VWF: variants seen among roughly 807,000 people sequenced by gnomAD.
The protein encoded by VWF is von Willebrand factor.
A neutral mutation model predicts 308.6 loss-of-function variants in VWF; 176 were observed. The observed-to-expected ratio is 0.57, with a 90% CI of 0.50 to 0.65. The LOEUF is 0.65. VWF is among the 30% of genes least tolerant of loss of function. The pLI is 0.00. For missense variants in VWF, 3,146 were observed against 3,648.2 expected (o/e 0.86, Z 3.55); for synonymous variants, 1,385 against 1,443.4 (o/e 0.96, Z 0.92).
In VWF at chr12:6,016,187, T is replaced by C. The variant is rs1031442442; in HGVS notation, c.5357A>G (p.His1786Arg). Residue 1786 changes from histidine (H) to arginine (R), a missense_variant, in exon 31 of 52, where the codon CAT becomes CGT. Physicochemically the swap from His to Arg is conservative, Grantham distance 29 (BLOSUM62 0). Transcript: ENST00000261405. The part of the protein sequence containing the change: ...FAVRYLTSEM[H>R]GARPGASKAV... ...CTTTGAGGCTCCCGGCCTGGCACCA[T>C]GCATTTCTGAAGTCAAGTATCGCAC... 4 of 1,614,148 alleles carry C rather than the reference T, an allele frequency of 2.5e-6. No individual in the cohort carries two copies. The highest frequency in any genetic ancestry group is 3.4e-6 in the Non-Finnish European group (4 of 1,180,030).
chr12:6,028,216 G>A (rs1208095063), intron 22 of VWF, among the ~76,000 whole-genome samples: 2 of 152,106 alleles, frequency 1.3e-5, no homozygotes, highest in Non-Finnish European at 2.9e-5. Context: ...TAGTGGAACC[G>A]TTCTCAAAAG....
Position 6,031,473 on chromosome 12 carries a change from C to T in VWF, c.2791G>A (p.Gly931Arg), listed in dbSNP as rs777440637. The T allele has an allele frequency of 3.1e-6, 5 of 1,614,166 alleles. No individual in the cohort carries two copies. The highest frequency in any genetic ancestry group is 2.2e-5 in the East Asian group (1 of 44,880). ...CKKRVTILVE[G>R]GEIELFDGEV... ...CCGTCAAACAGCTCAATCTCTCCTC[C>T]CTCCACCAGGATGGTGACCCGTTTC... is the stretch of plus-strand genomic sequence containing the variant. Residue 931 changes from glycine to arginine, a missense_variant, in exon 21 of 52, where the codon GGA (glycine) becomes AGA (arginine). Gly to Arg is a moderately radical substitution (Grantham distance 125). Around this residue, in one of 3 missense-constraint regions of VWF, gnomAD observed 1,304 missense variants for 1,353.0 expected, o/e 0.96. Coordinates refer to ENST00000261405, the MANE Select transcript of VWF (RefSeq NM_000552.5).
chr12:5,997,659 A>AG (rs1223054290), intron 34 of VWF, among the ~76,000 whole-genome samples: 3 of 152,228 alleles, frequency 2.0e-5, no homozygotes, highest in African/African-American at 7.2e-5. Flanking sequence ...GTGCATGTTT[A>AG]ACAAACAGAT....
intron 18 of VWF, among the ~76,000 whole-genome samples, chr12:6,037,218 G>A (rs1218748282): frequency 6.6e-6 from 1 of 152,110 alleles, no homozygotes; most frequent in Non-Finnish European, 1.5e-5. Flanking sequence ...TTCTTTTTCA[G>A]TTTTAAAATT....
intron 43 of VWF, among the ~76,000 whole-genome samples, chr12:5,975,176 G>A (rs1414654027): frequency 6.6e-6 from 1 of 152,188 alleles, no homozygotes; most frequent in East Asian, 1.9e-4. Context: ...GCAGGTGAAG[G>A]GCCTGGGTTT....
At position 6,085,900 on chromosome 12, in the gene VWF, T is replaced by TA. The variant is rs966927429; in HGVS notation, c.657+9559dup. 1.3e-4 allele frequency among the ~76,000 whole-genome samples: 20 copies of TA among 152,008 alleles called. No homozygotes were observed. The South Asian group carries it at 3.3e-3, about 25-fold the overall frequency. On this transcript the variant is annotated intron_variant, in intron 6 of 51. Coordinates refer to ENST00000261405, the MANE Select transcript of VWF (RefSeq NM_000552.5). ...TATCCCAGAACTTAAAGTAAAATTT[T>TA]AAAAAAAAATTTTTAAAGGCCAAGT...
rs139845585 is a variant in VWF at position 6,011,658 on chromosome 12, A to C, written c.5801T>G (p.Val1934Gly). 101 of 1,613,356 alleles carry C rather than the reference A, an allele frequency of 6.3e-5. No homozygotes were observed. Among genetic ancestry groups the C allele is most frequent in the Non-Finnish European group, 8.5e-5 (100 of 1,179,760 alleles). Residue 1934 changes from valine (V) to glycine (G), a missense_variant, in exon 34 of 52, where the codon GTT (valine) becomes GGT (glycine). Physicochemically the swap from Val to Gly is moderately radical, Grantham distance 109 (BLOSUM62 -3). Transcript: ENST00000261405. Reference protein sequence around the residue: ...RPSCPNSQSPVKVEETCGCRW... With the variant: ...RPSCPNSQSPGKVEETCGCRW... ...GCAGCCACAGGTCTCTTCCACTTTA[A>C]CAGGGGACTGGCTGTTAGGGCACGA...
chr12:6,093,606 A>G (rs905277307), intron 6 of VWF, among the ~76,000 whole-genome samples: 1 of 152,212 alleles, frequency 6.6e-6, no homozygotes, highest in African/African-American at 2.4e-5. Flanking sequence ...TCAGATGATG[A>G]GTCTCTGAGC....
chr12:6,104,247 A>T (rs1049139754), intron 5 of VWF, among the ~76,000 whole-genome samples: 13 of 152,150 alleles, frequency 8.5e-5, no homozygotes, highest in African/African-American at 2.9e-4. Flanking sequence ...CCTAGTCACA[A>T]CGGTTATTAT....
Position 6,058,668 on chromosome 12 carries a change from G to T in VWF, c.1534-624C>A, listed in dbSNP as rs1944621028. ...AGGGCCACGAGCCACAGAAGACTCTGAGGGTGATGATGGATAGGAGTAGGA... is the reference window on the plus strand; with the variant it reads ...AGGGCCACGAGCCACAGAAGACTCTTAGGGTGATGATGGATAGGAGTAGGA... On this transcript the variant is annotated intron_variant, in intron 13 of 51. Coordinates refer to ENST00000261405, the MANE Select transcript of VWF (RefSeq NM_000552.5). This position sits in a 1 kb window ranked among gnomAD's most constrained non-coding sequence, Gnocchi z 4.9. Among the ~76,000 whole-genome samples the T allele has an allele frequency of 6.6e-6, 1 of 152,244 alleles. No individual in the cohort carries two copies. The highest frequency in any genetic ancestry group is 1.5e-5 in the Non-Finnish European group (1 of 68,048).
chr12:6,078,776 C>A (rs1194712905), intron 6 of VWF, among the ~76,000 whole-genome samples: 2 of 152,138 alleles, frequency 1.3e-5, no homozygotes, highest in Non-Finnish European at 2.9e-5. Flanking sequence ...GGCACCCTCC[C>A]CTCTCAGAGC....
intron 5 of VWF, chr12:6,095,794 C>T: frequency 1.6e-6 from 1 of 614,338 alleles, no homozygotes; most frequent in Non-Finnish European, 2.8e-6. Context: ...TTGACTTGAC[C>T]CATCTCTGGC....
At chr12:6,083,963 T>A (rs1485156727) in intron 6 of VWF, among the ~76,000 whole-genome samples, 2 of 152,220 alleles carry the variant, frequency 1.3e-5, no homozygotes, top group East Asian at 1.9e-4. Flanking sequence ...AAGCCCCCAC[T>A]GGGGACAACA....
chr12:5,989,818 C>T (rs1404396266), intron 38 of VWF, among the ~76,000 whole-genome samples: 1 of 152,208 alleles, frequency 6.6e-6, no homozygotes, highest in Non-Finnish European at 1.5e-5. Context: ...CACTTCTCAT[C>T]ACAGAACGCC....
At chr12:6,030,937 G>A (rs1452352141) in intron 21 of VWF, among the ~76,000 whole-genome samples, 2 of 152,158 alleles carry the variant, frequency 1.3e-5, no homozygotes, top group Admixed American at 6.5e-5. Flanking sequence ...GCTGATGCAG[G>A]AGAATCGTTT....
intron 5 of VWF, among the ~76,000 whole-genome samples, chr12:6,108,314 G>A (rs1289147983): frequency 7.1e-5 from 8 of 112,006 alleles, no homozygotes; most frequent in Non-Finnish European, 7.7e-5. Context: ...AAAAAAGAAA[G>A]AAAGAAAGAA....
Position 5,971,622 on chromosome 12 carries a change from C to T in VWF, c.7525G>A (p.Asp2509Asn), listed in dbSNP as rs757915054. ...ACACTCTTCCAGGAAGACTGGGAGT[C>T]CCCCCGCGGTGAGCCAGTCACCACC... Reference protein sequence around the residue: ...CEVVTGSPRGDSQSSWKSVGS... With the variant: ...CEVVTGSPRGNSQSSWKSVGS... The change falls in exon 44 of 52, where the codon GAC (aspartate) becomes AAC (asparagine). Residue 2509 changes from aspartate to asparagine, a missense_variant. Asp to Asn is a conservative substitution (Grantham distance 23). Around this residue, in one of 3 missense-constraint regions of VWF, gnomAD observed 989 missense variants for 1,117.4 expected, o/e 0.89. Transcript: ENST00000261405. The T allele has an allele frequency of 6.2e-5, 100 of 1,613,834 alleles. No homozygotes were observed. In the South Asian group the frequency reaches 6.6e-4, roughly 11 times the overall value.
chr12:6,068,797 AT>A (rs140243191), intron 10 of VWF, among the ~76,000 whole-genome samples: 7 of 115,578 alleles, frequency 6.1e-5, no homozygotes, highest in Non-Finnish European at 1.3e-4. Context: ...CCCAAGATGC[AT>A]TTTTTTTTCT....
chr12:5,949,427 C>T (rs1943153540), intron 51 of VWF, among the ~76,000 whole-genome samples: 1 of 152,144 alleles, frequency 6.6e-6, no homozygotes, highest in South Asian at 2.1e-4. Flanking sequence ...CCTCTAGCTG[C>T]AATTTTTATG....
Sources: allele counts gnomAD v4.1 joint callset (sites outside exome capture counted in the v4.1 genomes callset), GRCh38; gene constraint gnomAD v4.1.1; regional missense constraint gnomAD v4.1.1; non-coding constraint Gnocchi (gnomAD v3.1); transcripts MANE v1.5; gene names NCBI Gene and HGNC (gene_info 2026-07-23, HGNC 2026-07-21).